KCNMB2: variants seen among roughly 807,000 people sequenced by gnomAD.
The protein encoded by KCNMB2 is calcium-activated potassium channel subunit beta-2.
A neutral mutation model predicts 24.5 loss-of-function variants in KCNMB2; 9 were observed. The observed-to-expected ratio is 0.37, with a 90% CI of 0.22 to 0.64. The LOEUF (loss-of-function observed/expected upper bound fraction) is 0.64, where lower values mean the gene tolerates loss of function less well. Among genes scored for constraint, KCNMB2 ranks in the 30% least tolerant of loss-of-function variants. The probability of loss-of-function intolerance (pLI) is 0.63; values close to 1 mark genes in which losing one functional copy is unlikely to be tolerated. For missense variants in KCNMB2, 226 were observed against 284.3 expected (o/e 0.79, Z 1.47); for synonymous variants, 109 against 104.4 (o/e 1.04, Z -0.27).
intron 1 of KCNMB2, among the ~76,000 whole-genome samples, chr3:178,624,523 T>C (rs1719034696): frequency 6.6e-6 from 1 of 152,066 alleles, no homozygotes; most frequent in South Asian, 2.1e-4. Flanking sequence ...ACCTCTATGT[T>C]AGTAATTTCA....
intron 1 of KCNMB2, among the ~76,000 whole-genome samples, chr3:178,758,692 C>CCAAGAGGATATATATATATATATATA (rs1711502561): frequency 1.6e-4 from 1 of 6,184 alleles, no homozygotes; most frequent in Non-Finnish European, 2.7e-4. Context: ...ATATATATCT[C>CCAAGAGGATATATATATATATATATA]TCTCTCTACA....
intron 2 of KCNMB2, 152 bp downstream of exon 2, chr3:178,807,617 G>A (rs1714027608): frequency 5.1e-6 from 3 of 591,602 alleles, no homozygotes; most frequent in Middle Eastern, 2.7e-4. Context: ...CAGACACTTT[G>A]GCCTTCCTTC....
In KCNMB2 at chr3:178,704,819, G is replaced by T. The variant is rs78765625; in HGVS notation, c.-67-102524G>T. 4.2e-3 allele frequency among the ~76,000 whole-genome samples: 638 copies of T among 152,126 alleles called. 1 individual carries two copies. The highest frequency in any genetic ancestry group is 0.015 in the African/African-American group (605 of 41,516). On this transcript the variant is annotated intron_variant, in intron 1 of 4. Transcript: ENST00000452583. ...ATGCTCATTCCCAGGCTATTCACAG[G>T]GTCGTTTCATTAAATGCTATGAATA...
chr3:178,739,644 C>A (rs747751445), intron 1 of KCNMB2, among the ~76,000 whole-genome samples: 15 of 152,094 alleles, frequency 9.9e-5, no homozygotes, highest in Non-Finnish European at 2.2e-4. Flanking sequence ...TCTCTCTGAC[C>A]TCCAAATCCT....
rs528775600 is a variant in KCNMB2, at chr3:178,784,600, T to C, written c.-67-22743T>C. Reference sequence around the variant, plus strand: ...GAAAGCATAGATTTTTTTAAAGGAGTATCTAATTTAATACTTCTCAAGAGT... The same window carrying C: ...GAAAGCATAGATTTTTTTAAAGGAGCATCTAATTTAATACTTCTCAAGAGT... On this transcript the variant is annotated intron_variant, in intron 1 of 4. Transcript: ENST00000452583. Among the ~76,000 whole-genome samples, 8 of 151,986 alleles carry C rather than the reference T, an allele frequency of 5.3e-5. No homozygotes were observed. In the South Asian group the frequency reaches 1.7e-3, roughly 32 times the overall value.
At chr3:178,773,283 A>G (rs1712450403) in intron 1 of KCNMB2, among the ~76,000 whole-genome samples, 1 of 148,364 alleles carries the variant, frequency 6.7e-6, no homozygotes. Flanking sequence ...TTTCCACTTC[A>G]TTATTTTCTT....
intron 1 of KCNMB2, among the ~76,000 whole-genome samples, chr3:178,587,192 C>A (rs530702854): frequency 9.9e-5 from 15 of 152,212 alleles, no homozygotes; most frequent in Admixed American, 8.5e-4. Context: ...CTCCTAACTT[C>A]TTCAGCTTTT....
intron 1 of KCNMB2, among the ~76,000 whole-genome samples, chr3:178,577,284 G>A (rs1717031061): frequency 6.6e-6 from 1 of 152,186 alleles, no homozygotes; most frequent in Non-Finnish European, 1.5e-5. Flanking sequence ...GGGCCTGACT[G>A]TTAGAAGGAA....
chr3:178,775,899 C>A (rs1712558991), intron 1 of KCNMB2, among the ~76,000 whole-genome samples: 1 of 152,078 alleles, frequency 6.6e-6, no homozygotes, highest in Non-Finnish European at 1.5e-5. Flanking sequence ...GTCAATGGAT[C>A]CTGCTTTCAT....
chr3:178,697,303 T>C (rs745413061), intron 1 of KCNMB2, among the ~76,000 whole-genome samples: 24 of 152,222 alleles, frequency 1.6e-4, no homozygotes, highest in Non-Finnish European at 2.8e-4. Flanking sequence ...TGGGTACATA[T>C]ATATTTAGGA....
intron 1 of KCNMB2, among the ~76,000 whole-genome samples, chr3:178,633,533 G>GTTGTACA (rs1719403106): frequency 2.6e-5 from 4 of 152,334 alleles, no homozygotes; most frequent in African/African-American, 9.6e-5. Context: ...TTGTAGCCAA[G>GTTGTACA]GCTGGAGGGG....
chr3:178,824,150 C>T (rs888596481), intron 2 of KCNMB2, among the ~76,000 whole-genome samples: 10 of 152,194 alleles, frequency 6.6e-5, no homozygotes, highest in Non-Finnish European at 1.3e-4. Context: ...GCACCCAGCA[C>T]TTCCGCATTT....
chr3:178,811,094 T>G (rs1182912927), intron 2 of KCNMB2, among the ~76,000 whole-genome samples: 1 of 151,906 alleles, frequency 6.6e-6, no homozygotes. Context: ...AATAATTAAT[T>G]TAGAAATTAA....
chr3:178,629,591 A>G (rs1719240598), intron 1 of KCNMB2, among the ~76,000 whole-genome samples: 1 of 152,224 alleles, frequency 6.6e-6, no homozygotes, highest in Non-Finnish European at 1.5e-5. Context: ...TTCCAAGATC[A>G]CAATCATCAT....
At chr3:178,711,139 A>G (rs1722440119) in intron 1 of KCNMB2, among the ~76,000 whole-genome samples, 1 of 152,202 alleles carries the variant, frequency 6.6e-6, no homozygotes, top group African/African-American at 2.4e-5. Context: ...TTCTTTTTAC[A>G]GTTGAGAAAA....
intron 1 of KCNMB2, among the ~76,000 whole-genome samples, chr3:178,582,807 A>G (rs1366842705): frequency 6.6e-6 from 1 of 152,206 alleles, no homozygotes; most frequent in African/African-American, 2.4e-5. Flanking sequence ...ATGCCCATTT[A>G]TATGAAAAAA....
At chr3:178,625,756 A>G (rs990488795) in intron 1 of KCNMB2, among the ~76,000 whole-genome samples, 1 of 152,210 alleles carries the variant, frequency 6.6e-6, no homozygotes, top group Non-Finnish European at 1.5e-5. Flanking sequence ...CAACTCCTCA[A>G]AATGGACTAT....
intron 1 of KCNMB2, among the ~76,000 whole-genome samples, chr3:178,566,618 C>T (rs1716531289): frequency 6.6e-6 from 1 of 151,940 alleles, no homozygotes; most frequent in Admixed American, 6.6e-5. Context: ...TGTTTTGAAC[C>T]CAATGTCAGA....
At chr3:178,605,989 G>C (rs1162184574) in intron 1 of KCNMB2, among the ~76,000 whole-genome samples, 2 of 152,114 alleles carry the variant, frequency 1.3e-5, no homozygotes, top group Non-Finnish European at 2.9e-5. Flanking sequence ...TAAGGGTGTG[G>C]CCTAGTGACC....
Sources: allele counts gnomAD v4.1 joint callset (sites outside exome capture counted in the v4.1 genomes callset), GRCh38; gene constraint gnomAD v4.1.1; transcripts MANE v1.5; gene names NCBI Gene and HGNC (gene_info 2026-07-23, HGNC 2026-07-21).